CDH4: variants seen among roughly 807,000 people sequenced by gnomAD.
The protein encoded by CDH4 is cadherin-4.
In CDH4, 33 loss-of-function variants were observed where a neutral mutation model predicts 86.0. The ratio of observed to expected loss-of-function variants is 0.38; its 90% CI spans 0.29 to 0.51. CDH4 has a LOEUF of 0.51. Ranked by LOEUF, CDH4 falls within the 20% of genes least tolerant of loss-of-function variation. The pLI is 0.86. For missense variants in CDH4, 1,114 were observed against 1,307.4 expected, an observed-to-expected ratio of 0.85 and a Z score of 2.28; for synonymous variants, 555 against 549.4, an observed-to-expected ratio of 1.01 and a Z score of -0.14.
At chr20:61,416,109 C>A (rs887773482) in intron 2 of CDH4, among the ~76,000 whole-genome samples, 3 of 151,056 alleles carry the variant, frequency 2.0e-5, no homozygotes, top group African/African-American at 7.3e-5. Context: ...TTAAGCAATT[C>A]TCCTGCCTCA....
chr20:61,786,883 G>A (rs551512356), intron 4 of CDH4, among the ~76,000 whole-genome samples: 20 of 152,316 alleles, frequency 1.3e-4, no homozygotes, highest in South Asian at 4.1e-4. Flanking sequence ...GTGCTAATGC[G>A]TGGGCTCCCA....
At chr20:61,912,247 C>G (rs2054858887) in intron 9 of CDH4, among the ~76,000 whole-genome samples, 1 of 152,150 alleles carries the variant, frequency 6.6e-6, no homozygotes, top group Admixed American at 6.5e-5. Flanking sequence ...AGAGAAGACA[C>G]TGCATAACAT....
chr20:61,686,133 G>C (rs1390505008), intron 2 of CDH4, among the ~76,000 whole-genome samples: 1 of 152,210 alleles, frequency 6.6e-6, no homozygotes, highest in African/African-American at 2.4e-5. Context: ...TCTGCCAAGA[G>C]AATGAGGATC....
chr20:61,402,088 T>G (rs1892324), intron 2 of CDH4, among the ~76,000 whole-genome samples: 72,780 of 151,676 alleles, frequency 0.48, 18,130 homozygotes, highest in African/African-American at 0.61. Flanking sequence ...AGAATGGATT[T>G]TTATAATAAT....
At chr20:61,882,445 G>C (rs368383513) in intron 7 of CDH4, among the ~76,000 whole-genome samples, 3 of 152,210 alleles carry the variant, frequency 2.0e-5, no homozygotes, top group African/African-American at 7.2e-5. Flanking sequence ...ACATCGAAAC[G>C]AGAGATTTCT....
intron 2 of CDH4, among the ~76,000 whole-genome samples, chr20:61,687,848 A>G (rs766861634): frequency 2.6e-5 from 4 of 152,158 alleles, no homozygotes; most frequent in Non-Finnish European, 4.4e-5. Flanking sequence ...CACTAAAAGG[A>G]CTTAGCCTAC....
At position 61,724,255 on chromosome 20, in the gene CDH4, C is replaced by T. The variant is rs1303630885; in HGVS notation, c.170-19308C>T. ...CCAGCGGGCTCCTCACTGCCCTGCC[C>T]CTGCTTCAAGGCAGCATCCAGGCAC... On this transcript the variant is annotated intron_variant, in intron 2 of 15. Coordinates refer to ENST00000614565, the MANE Select transcript of CDH4 (RefSeq NM_001794.5). 2.0e-5 allele frequency among the ~76,000 whole-genome samples: 3 copies of T among 152,182 alleles called. No individual in the cohort carries two copies. In the South Asian group the frequency reaches 6.2e-4, roughly 32 times the overall value.
At chr20:61,897,258 T>C (rs1345940705) in intron 8 of CDH4, among the ~76,000 whole-genome samples, 3 of 152,096 alleles carry the variant, frequency 2.0e-5, no homozygotes, top group Non-Finnish European at 4.4e-5. Context: ...CATCATTCCA[T>C]TGCAAGCCCT....
At chr20:61,541,253 G>A (rs2086037330) in intron 2 of CDH4, among the ~76,000 whole-genome samples, 1 of 152,188 alleles carries the variant, frequency 6.6e-6, no homozygotes, top group Non-Finnish European at 1.5e-5. Context: ...CTGTGCACGT[G>A]CATTAACGTG....
At chr20:61,259,019 A>T (rs1041909259) in intron 2 of CDH4, among the ~76,000 whole-genome samples, 1 of 152,300 alleles carries the variant, frequency 6.6e-6, no homozygotes, top group East Asian at 1.9e-4. Flanking sequence ...AATCCATCAC[A>T]TGGTAGGTGT....
At chr20:61,632,515 G>A (rs1383099634) in intron 2 of CDH4, among the ~76,000 whole-genome samples, 1 of 152,026 alleles carries the variant, frequency 6.6e-6, no homozygotes, top group Non-Finnish European at 1.5e-5. Context: ...GAACCTCAAG[G>A]CTGCTGGAGG....
intron 2 of CDH4, among the ~76,000 whole-genome samples, chr20:61,369,450 C>CAAAAAAAA (rs144885482): frequency 1.8e-5 from 1 of 56,586 alleles, no homozygotes; most frequent in Non-Finnish European, 3.0e-5. Context: ...GACTCTGTCT[C>CAAAAAAAA]AAAAAAAAAA....
At chr20:61,460,750 C>T (rs899799513) in intron 2 of CDH4, among the ~76,000 whole-genome samples, 2 of 152,154 alleles carry the variant, frequency 1.3e-5, no homozygotes, top group African/African-American at 4.8e-5. Flanking sequence ...GAAAGGGAGC[C>T]GTGTGTGTTG....
At chr20:61,871,102 A>G (rs1983787084) in intron 6 of CDH4, among the ~76,000 whole-genome samples, 1 of 152,016 alleles carries the variant, frequency 6.6e-6, no homozygotes, top group Non-Finnish European at 1.5e-5. Flanking sequence ...AGAGCTCCTC[A>G]TATCTTTCTG....
chr20:61,416,279 C>T (rs1317949092), intron 2 of CDH4, among the ~76,000 whole-genome samples: 1 of 152,170 alleles, frequency 6.6e-6, no homozygotes, highest in Non-Finnish European at 1.5e-5. Context: ...GGATTACAGG[C>T]GTGAGCCACC....
chr20:61,919,546 C>T (rs6089550), intron 9 of CDH4, among the ~76,000 whole-genome samples: 7,493 of 152,330 alleles, frequency 0.049, 206 homozygotes, highest in Non-Finnish European at 0.063. Flanking sequence ...GGGGTGGGAA[C>T]GTGGGGACAT....
intron 2 of CDH4, among the ~76,000 whole-genome samples, chr20:61,509,070 C>G (rs1166072236): frequency 6.6e-6 from 1 of 152,146 alleles, no homozygotes. Context: ...TTCACTGTGC[C>G]TGGTTGGAGC....
chr20:61,387,533 AACAC>A (rs201801944), intron 2 of CDH4, among the ~76,000 whole-genome samples: 1 of 151,612 alleles, frequency 6.6e-6, no homozygotes, highest in Non-Finnish European at 1.5e-5. Flanking sequence ...CACAAACAGA[AACAC>A]ACAGCCACAC....
At chr20:61,767,139 C>T (rs1306524959) in intron 3 of CDH4, among the ~76,000 whole-genome samples, 3 of 152,122 alleles carry the variant, frequency 2.0e-5, no homozygotes, top group Non-Finnish European at 4.4e-5. Flanking sequence ...CGGGCCCGTG[C>T]AGGACTCAGG....
Sources: gnomAD v4.1 joint callset for allele counts (sites outside exome capture counted in the v4.1 genomes callset) on GRCh38, gnomAD v4.1.1 for gene constraint, MANE v1.5 for transcripts, NCBI Gene and HGNC (gene_info 2026-07-23, HGNC 2026-07-21) for gene names.